IPO11: variants seen among roughly 807,000 people sequenced by gnomAD.
IPO11 encodes the protein importin-11.
A neutral mutation model predicts 143.2 loss-of-function variants in IPO11; 66 were observed. That is an observed-to-expected ratio of 0.46 (90% CI 0.38 to 0.57). The LOEUF (loss-of-function observed/expected upper bound fraction) is 0.57. IPO11 is among the 20% of genes least tolerant of loss of function. The probability of loss-of-function intolerance (pLI) is 0.00; values close to 1 mark genes in which losing one functional copy is unlikely to be tolerated. For missense variants in IPO11, 1,026 were observed against 1,141.0 expected, an observed-to-expected ratio of 0.90 and a Z score of 1.45; for synonymous variants, 385 against 377.8, an observed-to-expected ratio of 1.02 and a Z score of -0.22.
At chr5:62,545,936 A>G (rs909314108) in intron 24 of IPO11, among the ~76,000 whole-genome samples, 1 of 152,220 alleles carries the variant, frequency 6.6e-6, no homozygotes, top group Non-Finnish European at 1.5e-5. Context: ...ACCATTAAAA[A>G]GTCAGGAAAC....
At chr5:62,504,119 T>C (rs1741456946) in intron 16 of IPO11, among the ~76,000 whole-genome samples, 1 of 152,196 alleles carries the variant, frequency 6.6e-6, no homozygotes, top group African/African-American at 2.4e-5. Context: ...ATGGAAAATA[T>C]GATTTAGGAG....
At chr5:62,625,584 ATCACATACT>A in intron 29 of IPO11, among the ~76,000 whole-genome samples, 1 of 152,346 alleles carries the variant, frequency 6.6e-6, no homozygotes, top group East Asian at 1.9e-4. Context: ...TTCTTAAATG[ATCACATACT>A]TTCTTAGAAG....
intron 20 of IPO11, among the ~76,000 whole-genome samples, chr5:62,524,690 G>T (rs1742312435): frequency 6.6e-6 from 1 of 151,990 alleles, no homozygotes; most frequent in Non-Finnish European, 1.5e-5. Flanking sequence ...ATAAGTTCTG[G>T]AGATTTAATA....
chr5:62,470,196 G>A, intron 6 of IPO11, 54 bp from the exon 7 acceptor site: 2 of 1,507,820 alleles, frequency 1.3e-6, no homozygotes, highest in South Asian at 1.1e-5. Context: ...TCTTGTGATT[G>A]TAATTTTAGT....
intron 7 of IPO11, among the ~76,000 whole-genome samples, chr5:62,470,744 TAA>T (rs1479693499): frequency 6.7e-6 from 1 of 149,848 alleles, no homozygotes; most frequent in Non-Finnish European, 1.5e-5. Flanking sequence ...AATAAATATA[TAA>T]GAGAAAAACC....
intron 9 of IPO11, among the ~76,000 whole-genome samples, chr5:62,482,276 C>G (rs886615575): frequency 1.6e-4 from 24 of 152,028 alleles, no homozygotes; most frequent in African/African-American, 5.6e-4. Flanking sequence ...TTTTTTGTGT[C>G]TCTGTCTCCT....
chr5:62,550,395 C>T lies in IPO11; in HGVS notation c.2279C>T (p.Pro760Leu), dbSNP rs868340926. 1.2e-6 allele frequency: 2 copies of T among 1,612,554 alleles called. No homozygotes were observed. Among genetic ancestry groups the T allele is most frequent in the Non-Finnish European group, 1.7e-6 (2 of 1,179,094 alleles). ...KVVENALKVN[P>L]ILGPQMFQPI... is the part of the protein sequence containing the mutation. ...GTGGAAAATGCCCTTAAAGTGAACC[C>T]AATACTAGGTCCACAAATGTTTCAA... is the stretch of plus-strand genomic sequence containing the variant. Residue 760 changes from proline (P) to leucine (L), a missense_variant, in exon 25 of 30, where the codon CCA becomes CTA. Pro to Leu is a moderately conservative substitution (Grantham distance 98). Around this residue, in one of 5 missense-constraint regions of IPO11, gnomAD observed 351 missense variants for 358.9 expected, o/e 0.98. Coordinates refer to ENST00000325324, the MANE Select transcript of IPO11 (RefSeq NM_016338.5).
chr5:62,624,798 C>T (rs1746500974), intron 29 of IPO11, among the ~76,000 whole-genome samples: 1 of 152,028 alleles, frequency 6.6e-6, no homozygotes. Flanking sequence ...TCCTGGCTAA[C>T]AGGGTGAAAC....
chr5:62,505,401 A>G (rs774733082), intron 18 of IPO11, among the ~76,000 whole-genome samples: 4 of 152,132 alleles, frequency 2.6e-5, no homozygotes, highest in Non-Finnish European at 4.4e-5. Context: ...CTTGTTAAAC[A>G]TATCAGTAAC....
At chr5:62,506,612 A>G (rs1162473409) in intron 19 of IPO11, among the ~76,000 whole-genome samples, 1 of 152,198 alleles carries the variant, frequency 6.6e-6, no homozygotes, top group Admixed American at 6.5e-5. Flanking sequence ...TACATATTTT[A>G]GAAGATCCAG....
chr5:62,494,450 C>T (rs1741057072), intron 16 of IPO11, among the ~76,000 whole-genome samples: 1 of 152,124 alleles, frequency 6.6e-6, no homozygotes. Flanking sequence ...ATTGAAATAG[C>T]ATCATAATTT....
chr5:62,615,212 C>T (rs1746086805), intron 29 of IPO11, among the ~76,000 whole-genome samples: 1 of 152,246 alleles, frequency 6.6e-6, no homozygotes, highest in African/African-American at 2.4e-5. Flanking sequence ...GAGGCCTTTG[C>T]CAGGGAACTG....
At chr5:62,556,625 T>C (rs1279446078) in intron 26 of IPO11, among the ~76,000 whole-genome samples, 1 of 152,172 alleles carries the variant, frequency 6.6e-6, no homozygotes, top group Non-Finnish European at 1.5e-5. Context: ...CACTTAGCTG[T>C]GATCACTGCA....
intron 1 of IPO11, among the ~76,000 whole-genome samples, chr5:62,424,394 C>A (rs994418232): frequency 6.6e-6 from 1 of 151,862 alleles, no homozygotes. Flanking sequence ...CCGCCGGGGC[C>A]TCCCAAAGTG....
intron 16 of IPO11, among the ~76,000 whole-genome samples, chr5:62,499,499 A>G (rs1457960555): frequency 6.6e-6 from 1 of 151,912 alleles, no homozygotes. Context: ...ATCATTGTAC[A>G]CTTAGGCTAC....
At chr5:62,599,408 C>T (rs949160606) in intron 28 of IPO11, among the ~76,000 whole-genome samples, 11 of 152,136 alleles carry the variant, frequency 7.2e-5, no homozygotes, top group Non-Finnish European at 1.5e-4. Flanking sequence ...ATTTAGACAA[C>T]AAAAATTTTG....
In IPO11 at chr5:62,601,840, A is replaced by G. The variant is rs751631480; in HGVS notation, c.2755A>G (p.Lys919Glu). ...ACCACCCACAGAACAAGATAAGAGG[A>G]AAAAGATGGTAAGTTATAAAAGTAG... is the stretch of plus-strand genomic sequence containing the variant. The part of the protein sequence containing the change: ...EEPPTEQDKR[K>E]KMLALKDPVH... The change falls in exon 29 of 30, where the codon AAA becomes GAA. Residue 919 changes from lysine (K) to glutamate (E), a missense_variant. This residue lies in a region of IPO11 where 351 missense variants were observed against 358.9 expected (regional missense o/e 0.98). Transcript: ENST00000325324. 1.9e-6 allele frequency: 3 copies of G among 1,581,148 alleles called. No homozygotes were observed. The highest frequency in any genetic ancestry group is 8.6e-7 in the Non-Finnish European group (1 of 1,163,504).
chr5:62,468,708 G>A (rs1438476888), intron 6 of IPO11, among the ~76,000 whole-genome samples: 3 of 152,064 alleles, frequency 2.0e-5, no homozygotes, highest in East Asian at 1.9e-4. Flanking sequence ...AACTCCTGAC[G>A]AAAAAGATGT....
intron 27 of IPO11, among the ~76,000 whole-genome samples, chr5:62,562,722 T>G (rs1443301441): frequency 1.3e-5 from 2 of 152,224 alleles, no homozygotes; most frequent in East Asian, 3.8e-4. Flanking sequence ...AATTAGTGAC[T>G]TAAGTCCAGT....
Sources: allele counts gnomAD v4.1 joint callset (sites outside exome capture counted in the v4.1 genomes callset), GRCh38; gene constraint gnomAD v4.1.1; regional missense constraint gnomAD v4.1.1; transcripts MANE v1.5; gene names NCBI Gene and HGNC (gene_info 2026-07-23, HGNC 2026-07-21).